Variants in STRN observed in about 807,000 individuals in gnomAD.
The protein encoded by STRN is protein phosphatase 2 regulatory subunit B'''alpha.
STRN carries 53 observed loss-of-function variants against 96.3 expected under a neutral mutation model. The observed-to-expected ratio is 0.55, with a 90% CI of 0.44 to 0.69. The LOEUF is 0.69. STRN is among the 30% of genes least tolerant of loss of function. The probability of loss-of-function intolerance (pLI) is 0.00; values close to 1 mark genes in which losing one functional copy is unlikely to be tolerated. For synonymous variants in STRN, 428 were observed against 355.9 expected (o/e 1.20, Z -2.28); for missense variants, 987 against 963.9 (o/e 1.02, Z -0.32).
At chr2:36,881,490 C>G (rs1265072946) in intron 9 of STRN, among the ~76,000 whole-genome samples, 1 of 152,142 alleles carries the variant, frequency 6.6e-6, no homozygotes, top group African/African-American at 2.4e-5. Flanking sequence ...GCACACACAG[C>G]ATATGAACAT....
intron 5 of STRN, 130 bp from the exon 6 acceptor site, chr2:36,899,788 ATTC>A: frequency 1.2e-6 from 1 of 826,602 alleles, no homozygotes; most frequent in Non-Finnish European, 1.8e-6. Context: ...ATCTACATTG[ATTC>A]TTATCAATTA....
At chr2:36,906,068 C>T (rs1194228146) in intron 3 of STRN, among the ~76,000 whole-genome samples, 1 of 152,140 alleles carries the variant, frequency 6.6e-6, no homozygotes, top group African/African-American at 2.4e-5. Flanking sequence ...GATGGATACC[C>T]CATTTTCCAT....
intron 1 of STRN, among the ~76,000 whole-genome samples, chr2:36,950,250 C>G (rs1177189255): frequency 7.6e-6 from 1 of 131,234 alleles, no homozygotes; most frequent in East Asian, 2.4e-4. Context: ...GAGTCTCACT[C>G]TATCACCCAG....
intron 7 of STRN, among the ~76,000 whole-genome samples, chr2:36,887,220 G>A (rs935593586): frequency 1.3e-5 from 2 of 151,258 alleles, no homozygotes; most frequent in African/African-American, 4.9e-5. Flanking sequence ...CATGAGGTCA[G>A]GAGTTCAAGA....
rs146763547 is a variant in STRN, at chr2:36,858,692, T to A, written c.1670-669A>T. On this transcript the variant is annotated intron_variant, in intron 13 of 17. Transcript: ENST00000263918. ...ATTCTATGAAGTGGTACTTTCAAGA[T>A]GACTCACAAATGTTAAGTCTGGAAA... Among the ~76,000 whole-genome samples, 20 of 152,358 alleles carry A rather than the reference T, an allele frequency of 1.3e-4. No homozygotes were observed. In the East Asian group the frequency reaches 3.7e-3, roughly 28 times the overall value.
rs1389438888 is a variant in STRN at position 36,963,924 on chromosome 2, G to GTGC, written c.234+2305_234+2306insGCA. Among the ~76,000 whole-genome samples, 6 of 152,108 alleles carry GTGC rather than the reference G, an allele frequency of 3.9e-5. No individual in the cohort carries two copies. In the East Asian group the frequency reaches 1.2e-3, roughly 29 times the overall value. The stretch of plus-strand genomic sequence containing the variant: ...GGATTGCTTAAACCTGGGAGGCGGA[G>GTGC]GTTGCAGTGAGCTAAGACTGCACCA... On this transcript the variant is annotated intron_variant, in intron 1 of 17. Transcript: ENST00000263918.
intron 1 of STRN, among the ~76,000 whole-genome samples, chr2:36,932,165 C>CT (rs1049076262): frequency 1.0e-4 from 15 of 149,746 alleles, no homozygotes; most frequent in Middle Eastern, 3.5e-3. Flanking sequence ...GCTAGTTTTA[C>CT]TTTTTTTTTG....
chr2:36,858,105 A>C (rs1200761484), intron 13 of STRN, 82 bp from the exon 14 acceptor site: 2 of 1,152,220 alleles, frequency 1.7e-6, no homozygotes, highest in Non-Finnish European at 2.4e-6. Flanking sequence ...AAAATATATA[A>C]ACAATAGCAC....
intron 7 of STRN, among the ~76,000 whole-genome samples, chr2:36,889,945 TA>T (rs1330696750): frequency 6.6e-6 from 1 of 152,300 alleles, no homozygotes; most frequent in Admixed American, 6.5e-5. Context: ...ATGTATCATA[TA>T]ATACACTGAG....
At chr2:36,892,832 C>T (rs1669435316) in intron 7 of STRN, among the ~76,000 whole-genome samples, 1 of 152,148 alleles carries the variant, frequency 6.6e-6, no homozygotes, top group Non-Finnish European at 1.5e-5. Flanking sequence ...ACCAGCCTGG[C>T]CAACATGGTG....
At chr2:36,913,037 C>G (rs980478461) in intron 3 of STRN, among the ~76,000 whole-genome samples, 6 of 152,130 alleles carry the variant, frequency 3.9e-5, no homozygotes, top group African/African-American at 1.4e-4. Context: ...GCATATTTTA[C>G]TTCCTAAATA....
intron 3 of STRN, among the ~76,000 whole-genome samples, chr2:36,910,812 A>G (rs1669946603): frequency 6.6e-6 from 1 of 152,216 alleles, no homozygotes; most frequent in Non-Finnish European, 1.5e-5. Flanking sequence ...ATTCAACTTT[A>G]AATAACTACC....
At chr2:36,852,993 C>A (rs977273046) in intron 15 of STRN, among the ~76,000 whole-genome samples, 1 of 152,098 alleles carries the variant, frequency 6.6e-6, no homozygotes. Context: ...TCTGTCTCTA[C>A]GCAAAATACA....
chr2:36,961,835 T>A (rs1665036518), intron 1 of STRN, among the ~76,000 whole-genome samples: 1 of 152,180 alleles, frequency 6.6e-6, no homozygotes, highest in African/African-American at 2.4e-5. Context: ...CATGACTTCT[T>A]CCATTCTCTT....
chr2:36,907,015 C>T (rs1036140499), intron 3 of STRN, among the ~76,000 whole-genome samples: 1 of 151,994 alleles, frequency 6.6e-6, no homozygotes, highest in Non-Finnish European at 1.5e-5. Flanking sequence ...CGCTTAAATT[C>T]ATCACTAGGT....
rs1282031499 is a variant in STRN, at chr2:36,843,263, C to A, written c.*6193G>T. Among the ~76,000 whole-genome samples, 1 of 152,008 alleles carries A rather than the reference C, an allele frequency of 6.6e-6. No individual in the cohort carries two copies. The highest frequency in any genetic ancestry group is 6.6e-5 in the Admixed American group (1 of 15,236). ...AGTTTCAAGGATATCAGAAGAGATG[C>A]CTTTTAAATTTCATATTGTATTGTG... On this transcript the variant is annotated 3_prime_UTR_variant, in exon 18 of 18. Transcript: ENST00000263918.
intron 3 of STRN, among the ~76,000 whole-genome samples, chr2:36,909,025 G>A (rs1004263149): frequency 6.6e-6 from 1 of 151,216 alleles, no homozygotes; most frequent in African/African-American, 2.4e-5. Flanking sequence ...GCAAGGTGGC[G>A]CATGCGTGTA....
chr2:36,887,308 A>C (rs868787202), intron 7 of STRN, among the ~76,000 whole-genome samples: 2 of 148,912 alleles, frequency 1.3e-5, no homozygotes, highest in Middle Eastern at 3.4e-3. Context: ...TAAATAAATA[A>C]ATAAATACAA....
chr2:36,911,390 T>C (rs968620611), intron 3 of STRN, among the ~76,000 whole-genome samples: 3 of 152,212 alleles, frequency 2.0e-5, no homozygotes, highest in African/African-American at 7.2e-5. Context: ...ATTTGCTAGT[T>C]CTTTAATTTA....
Sources: allele counts gnomAD v4.1 joint callset (sites outside exome capture counted in the v4.1 genomes callset), GRCh38; gene constraint gnomAD v4.1.1; transcripts MANE v1.5; gene names NCBI Gene and HGNC (gene_info 2026-07-23, HGNC 2026-07-21).